PTH2R: variants seen among roughly 807,000 people sequenced by gnomAD.
PTH2R encodes parathyroid hormone 2 receptor.
A neutral mutation model predicts 60.3 loss-of-function variants in PTH2R; 59 were observed. The observed-to-expected ratio is 0.98, with a 90% CI of 0.79 to 1.22. PTH2R has a LOEUF of 1.22. PTH2R is among the 50% of genes most tolerant of loss of function. The pLI is 0.00. For missense variants in PTH2R, 749 were observed against 682.6 expected (o/e 1.10, Z -1.08); for synonymous variants, 256 against 243.8 (o/e 1.05, Z -0.47).
Position 208,420,123 on chromosome 2 carries a change from C to T in PTH2R, c.76-8078C>T, listed in dbSNP as rs991240298. ...ACACAGGAAGGGGAACATCACACACCGGGGACTGTTGTGGGGTGGGGGGAG... is the reference window on the plus strand; with the variant it reads ...ACACAGGAAGGGGAACATCACACACTGGGGACTGTTGTGGGGTGGGGGGAG... On this transcript the variant is annotated intron_variant, in intron 1 of 12. Coordinates refer to ENST00000272847, the MANE Select transcript of PTH2R (RefSeq NM_005048.4). 2.6e-4 allele frequency among the ~76,000 whole-genome samples: 38 copies of T among 146,674 alleles called. No individual in the cohort carries two copies. The East Asian group carries it at 2.8e-3, about 11-fold the overall frequency.
chr2:208,483,455 C>T (rs548947754), intron 10 of PTH2R, among the ~76,000 whole-genome samples: 10 of 152,180 alleles, frequency 6.6e-5, no homozygotes, highest in South Asian at 2.1e-4. Context: ...TTCTGAATGA[C>T]GTGAACTAAT....
chr2:208,434,910 G>T (rs547635407), intron 2 of PTH2R, among the ~76,000 whole-genome samples: 1 of 152,320 alleles, frequency 6.6e-6, no homozygotes, highest in African/African-American at 2.4e-5. Context: ...AGAAGCAGGA[G>T]CCAGTGGGAT....
chr2:208,464,124 G>A (rs990590940), intron 9 of PTH2R, among the ~76,000 whole-genome samples: 3 of 152,094 alleles, frequency 2.0e-5, no homozygotes, highest in African/African-American at 4.8e-5. Context: ...TCGAGAAATC[G>A]ATATTTACAT....
intron 9 of PTH2R, among the ~76,000 whole-genome samples, chr2:208,475,713 A>C (rs1702986712): frequency 6.6e-6 from 1 of 152,164 alleles, no homozygotes; most frequent in Non-Finnish European, 1.5e-5. Flanking sequence ...GGTATTAGGA[A>C]TATATGGGGC....
intron 10 of PTH2R, among the ~76,000 whole-genome samples, chr2:208,482,894 T>A (rs1219073760): frequency 1.3e-5 from 2 of 152,140 alleles, no homozygotes; most frequent in Non-Finnish European, 2.9e-5. Context: ...GGAATCTTGG[T>A]GATGTGAAGC....
At chr2:208,422,705 G>T (rs1417437768) in intron 1 of PTH2R, among the ~76,000 whole-genome samples, 1 of 152,028 alleles carries the variant, frequency 6.6e-6, no homozygotes, top group Non-Finnish European at 1.5e-5. Flanking sequence ...AAATTCACAT[G>T]CAGTTGGAAG....
rs1347993093 is a variant in PTH2R at position 208,407,043 on chromosome 2, C to T, written c.-1C>T. On this transcript the variant is annotated 5_prime_UTR_variant, in exon 1 of 13. Coordinates refer to ENST00000272847, the MANE Select transcript of PTH2R (RefSeq NM_005048.4). ...TGCTTCTTCCTACAGCCGTTCCGGGCATGGCCGGGCTGGGGGCGTCGCTCC... is the reference window on the plus strand; with the variant it reads ...TGCTTCTTCCTACAGCCGTTCCGGGTATGGCCGGGCTGGGGGCGTCGCTCC... 3 of 1,391,428 alleles carry T rather than the reference C, an allele frequency of 2.2e-6. No homozygotes were observed. The highest frequency in any genetic ancestry group is 1.9e-5 in the South Asian group (1 of 51,834). 86.2% of individuals were successfully genotyped at this position (1,391,428 alleles called of 1,614,324 possible).
At chr2:208,428,411 C>T (rs1701901713) in intron 2 of PTH2R, 108 bp downstream of exon 2, 1 of 752,506 alleles carries the variant, frequency 1.3e-6, no homozygotes. Context: ...TCAGTCAATC[C>T]ACATTTCCAT....
At chr2:208,380,351 A>G (rs1700888906) in intron 1 of PTH2R, among the ~76,000 whole-genome samples, 1 of 152,156 alleles carries the variant, frequency 6.6e-6, no homozygotes, top group South Asian at 2.1e-4. Flanking sequence ...AGTGATATTT[A>G]CAGTTTAGTA....
intron 2 of PTH2R, among the ~76,000 whole-genome samples, chr2:208,430,073 G>A (rs887300429): frequency 8.6e-5 from 13 of 151,928 alleles, no homozygotes; most frequent in African/African-American, 1.5e-4. Context: ...CCCTGCCACC[G>A]CCAACTAGTA....
At chr2:208,379,765 C>T (rs191210373) in intron 1 of PTH2R, among the ~76,000 whole-genome samples, 1 of 151,612 alleles carries the variant, frequency 6.6e-6, no homozygotes, top group East Asian at 1.9e-4. Flanking sequence ...GAGGCTGAGG[C>T]ACGAGAATCA....
At chr2:208,416,923 G>A (rs2105841951) in intron 1 of PTH2R, among the ~76,000 whole-genome samples, 1 of 152,192 alleles carries the variant, frequency 6.6e-6, no homozygotes, top group Non-Finnish European at 1.5e-5. Flanking sequence ...GGCTATTGTG[G>A]AACCTTGTGA....
chr2:208,384,788 T>G (rs748462024), intron 1 of PTH2R, among the ~76,000 whole-genome samples: 4 of 152,210 alleles, frequency 2.6e-5, no homozygotes, highest in African/African-American at 9.6e-5. Flanking sequence ...TGTGGTCATC[T>G]AGGGAATGCC....
chr2:208,493,771 T>A lies in PTH2R; in HGVS notation c.*112T>A, dbSNP rs1205465610. The A allele has an allele frequency of 6.4e-6, 8 of 1,241,880 alleles. No homozygotes were observed. Among genetic ancestry groups the A allele is most frequent in the Non-Finnish European group, 2.2e-6 (2 of 916,738 alleles). 76.9% of individuals were successfully genotyped at this position (1,241,880 alleles called of 1,614,324 possible). ...AAGGCTGAAAATTCAGTTAAGGTGT[T>A]ACTTAATAATAGTTTTTAGGCTCCA... On this transcript the variant is annotated 3_prime_UTR_variant, in exon 13 of 13. Transcript: ENST00000272847.
At chr2:208,366,660 A>C (rs193260171) in intron 1 of PTH2R, among the ~76,000 whole-genome samples, 1 of 152,326 alleles carries the variant, frequency 6.6e-6, no homozygotes, top group East Asian at 1.9e-4. Context: ...AATGTGCTGT[A>C]CTGCATTGAG....
Position 208,467,275 on chromosome 2 carries a change from CT to C in PTH2R, c.981+7322del, listed in dbSNP as rs917194472. On this transcript the variant is annotated intron_variant, in intron 9 of 12. Coordinates refer to ENST00000272847, the MANE Select transcript of PTH2R (RefSeq NM_005048.4). ...GTGGGAGCAAGTTTTCTTTTCTTTT[CT>C]TTTTTTTCCCCCTAGCTTTCTACTA... 8.4e-4 allele frequency among the ~76,000 whole-genome samples: 127 copies of C among 151,934 alleles called. No homozygotes were observed. The Middle Eastern group carries it at 0.01, about 12-fold the overall frequency.
intron 1 of PTH2R, among the ~76,000 whole-genome samples, chr2:208,377,984 A>G (rs1365433772): frequency 6.6e-6 from 1 of 152,062 alleles, no homozygotes; most frequent in Non-Finnish European, 1.5e-5. Context: ...GGCCAGGCAG[A>G]GGCTGCAATC....
intron 1 of PTH2R, among the ~76,000 whole-genome samples, chr2:208,370,422 G>A (rs576310361): frequency 2.8e-4 from 36 of 126,866 alleles, no homozygotes; most frequent in African/African-American, 1.1e-3. Context: ...CAGCCTGGGC[G>A]ACAGAACGAG....
intron 6 of PTH2R, 112 bp downstream of exon 6, chr2:208,443,649 C>T: frequency 9.7e-6 from 8 of 824,120 alleles, no homozygotes; most frequent in Non-Finnish European, 1.2e-5. Flanking sequence ...TCTGAACTAA[C>T]TAAAATGGAT....
Sources: allele counts gnomAD v4.1 joint callset (sites outside exome capture counted in the v4.1 genomes callset), GRCh38; gene constraint gnomAD v4.1.1; transcripts MANE v1.5; gene names NCBI Gene and HGNC (gene_info 2026-07-23, HGNC 2026-07-21).